DPP6: variants seen among roughly 807,000 people sequenced by gnomAD.
The protein encoded by DPP6 is dipeptidyl peptidase like 6.
In DPP6, 69 loss-of-function variants were observed where a neutral mutation model predicts 122.6. The ratio of observed to expected loss-of-function variants is 0.56; its 90% CI spans 0.46 to 0.69. The LOEUF is 0.69. Ranked by LOEUF, DPP6 falls within the 30% of genes least tolerant of loss-of-function variation. DPP6 has a pLI of 0.00. For missense variants in DPP6, 928 were observed against 1,116.9 expected (o/e 0.83, Z 2.41); for synonymous variants, 418 against 433.1 (o/e 0.97, Z 0.43).
intron 2 of DPP6, among the ~76,000 whole-genome samples, chr7:154,453,999 T>G (rs1820611575): frequency 6.6e-6 from 1 of 152,190 alleles, no homozygotes; most frequent in South Asian, 2.1e-4. Context: ...GCATACCTCC[T>G]AATTTTTTTT....
chr7:154,440,011 G>A (rs1428781098), intron 1 of DPP6, among the ~76,000 whole-genome samples: 12 of 152,210 alleles, frequency 7.9e-5, no homozygotes, highest in Admixed American at 7.2e-4. Flanking sequence ...CAGGGGAAGA[G>A]GGGCACCCGC....
rs1554470636 is a variant in DPP6, at chr7:154,127,640, C to CACACACAG, written c.243+74584_243+74585insGACACACA. On this transcript the variant is annotated intron_variant, in intron 1 of 25. Transcript: ENST00000377770. ...ACACACACACACACACACAGACACA[C>CACACACAG]ACACACACACAGACACACACACACA... is the stretch of plus-strand genomic sequence containing the variant. Among the ~76,000 whole-genome samples, 398 of 106,988 alleles carry CACACACAG rather than the reference C, an allele frequency of 3.7e-3. 5 individuals are homozygous for CACACACAG. Among genetic ancestry groups the CACACACAG allele is most frequent in the African/African-American group, 0.017 (387 of 23,354 alleles). 70.2% of individuals were successfully genotyped at this position (106,988 alleles called of 152,430 possible). A position where few individuals can be genotyped will look rare whatever the true frequency, so the allele number is the denominator to read the frequency against.
intron 1 of DPP6, among the ~76,000 whole-genome samples, chr7:153,995,659 C>G (rs995041614): frequency 6.7e-6 from 1 of 150,338 alleles, no homozygotes; most frequent in African/African-American, 2.4e-5. Context: ...ATGATGTGCT[C>G]GATAACACCC....
intron 2 of DPP6, among the ~76,000 whole-genome samples, chr7:154,461,845 T>G (rs746787864): frequency 6.6e-6 from 1 of 152,228 alleles, no homozygotes; most frequent in East Asian, 1.9e-4. Context: ...TTGTTTCCTT[T>G]GCTGTGCATT....
chr7:154,647,955 C>T (rs12540355), intron 6 of DPP6, among the ~76,000 whole-genome samples: 22,341 of 151,882 alleles, frequency 0.15, 1,908 homozygotes, highest in African/African-American at 0.24. Context: ...TTCTTCCACA[C>T]AATCACTGAG....
rs373378162 is a variant in DPP6 at position 154,023,318 on chromosome 7, G to GCACGCGCACACACACACACACA, written c.51+135587_51+135588insGCGCACACACACACACACACAC. 7.3e-4 allele frequency among the ~76,000 whole-genome samples: 95 copies of GCACGCGCACACACACACACACA among 129,612 alleles called. 1 individual carries two copies. Among genetic ancestry groups the GCACGCGCACACACACACACACA allele is most frequent in the African/African-American group, 2.8e-3 (87 of 31,172 alleles). 85.0% of individuals were successfully genotyped at this position (129,612 alleles called of 152,430 possible). ...CAGGCTCTGGAAATGTTTCTTGTCTGCACACACACACACACACACACACAC... is the reference window on the plus strand; with the variant it reads ...CAGGCTCTGGAAATGTTTCTTGTCTGCACGCGCACACACACACACACACACACACACACACACACACACACAC... On this transcript the variant is annotated intron_variant, in intron 1 of 25. Coordinates refer to the DPP6 transcript ENST00000404039.
rs56255729 is a variant in DPP6 at position 154,841,319 on chromosome 7, T to G, written c.1667-12461T>G. Among the ~76,000 whole-genome samples the G allele has an allele frequency of 2.0e-5, 3 of 148,488 alleles. No individual in the cohort carries two copies. In the East Asian group the frequency reaches 6.0e-4, roughly 30 times the overall value. On this transcript the variant is annotated intron_variant, in intron 16 of 25. Transcript: ENST00000377770. ...CCCCTCCAAGCAGGCTTTGCCCCTC[T>G]GCAGGCTTTGCCCCCCTGTAGCCTT...
At chr7:153,909,046 T>C (rs2129002169) in intron 1 of DPP6, among the ~76,000 whole-genome samples, 1 of 152,320 alleles carries the variant, frequency 6.6e-6, no homozygotes, top group East Asian at 1.9e-4. Context: ...GCCACTGTGC[T>C]CAGCCCTAAA....
At chr7:153,906,360 A>G (rs963235999) in intron 1 of DPP6, among the ~76,000 whole-genome samples, 3 of 152,082 alleles carry the variant, frequency 2.0e-5, no homozygotes, top group Admixed American at 2.0e-4. Flanking sequence ...CCACCCTCCA[A>G]TCTTTGGAAT....
intron 1 of DPP6, among the ~76,000 whole-genome samples, chr7:154,389,225 T>G (rs79431826): frequency 6.6e-6 from 1 of 152,168 alleles, no homozygotes; most frequent in African/African-American, 2.4e-5. Flanking sequence ...AGTGAAGATT[T>G]TGAAAGTCAC....
chr7:154,727,757 TC>T lies in DPP6; in HGVS notation c.763-8del, dbSNP rs756199759. 2.1e-4 allele frequency: 330 copies of T among 1,604,662 alleles called. No homozygotes were observed. Among genetic ancestry groups the T allele is most frequent in the Non-Finnish European group, 2.6e-4 (305 of 1,174,960 alleles). On this transcript the variant is annotated splice_polypyrimidine_tract_variant and intron_variant, in intron 7 of 25. Transcript: ENST00000377770. ...GCTTAATATTATGCTTTTTTCTCTT[TC>T]CAAATTAGATATTTATTTTTGAAAA...
At chr7:153,876,637 G>T in the DPP6 span, among the ~76,000 whole-genome samples, 1 of 151,964 alleles carries the variant, frequency 6.6e-6, no homozygotes, top group Non-Finnish European at 1.5e-5. Flanking sequence ...TTACCCAATA[G>T]AACAGCAAAT....
intron 4 of DPP6, among the ~76,000 whole-genome samples, chr7:154,545,309 A>G (rs1211159571): frequency 1.3e-5 from 2 of 152,018 alleles, no homozygotes; most frequent in Non-Finnish European, 2.9e-5. Context: ...ATGAACCACC[A>G]CAAATATATC....
At chr7:154,514,855 A>G (rs1826363703) in intron 3 of DPP6, among the ~76,000 whole-genome samples, 1 of 152,234 alleles carries the variant, frequency 6.6e-6, no homozygotes, top group Non-Finnish European at 1.5e-5. Context: ...ACATGAGTGT[A>G]CAAATATCTG....
At chr7:154,722,428 C>A (rs1341087219) in intron 7 of DPP6, among the ~76,000 whole-genome samples, 2 of 152,234 alleles carry the variant, frequency 1.3e-5, no homozygotes, top group East Asian at 3.8e-4. Context: ...AACCCTGAAT[C>A]ATGGGACCTC....
chr7:154,461,164 G>A (rs1037181757), intron 2 of DPP6, among the ~76,000 whole-genome samples: 3 of 152,104 alleles, frequency 2.0e-5, no homozygotes, highest in African/African-American at 7.2e-5. Context: ...ATGACCTCCA[G>A]TTTCATTCAT....
At chr7:153,990,829 C>A (rs1371506357) in intron 1 of DPP6, among the ~76,000 whole-genome samples, 2 of 152,188 alleles carry the variant, frequency 1.3e-5, no homozygotes, top group Admixed American at 1.3e-4. Context: ...GAGTGACGTC[C>A]AAGTTTATTG....
At chr7:154,199,970 G>T (rs1203251471) in intron 1 of DPP6, among the ~76,000 whole-genome samples, 1 of 152,100 alleles carries the variant, frequency 6.6e-6, no homozygotes, top group Non-Finnish European at 1.5e-5. Flanking sequence ...GCAGAGCCCC[G>T]CCCGTAATGC....
At chr7:153,816,467 C>T in the DPP6 span, among the ~76,000 whole-genome samples, 1 of 152,020 alleles carries the variant, frequency 6.6e-6, no homozygotes, top group Non-Finnish European at 1.5e-5. Flanking sequence ...AACTGTTTCC[C>T]TTATGATTAA....
Sources: allele counts gnomAD v4.1 joint callset (sites outside exome capture counted in the v4.1 genomes callset), GRCh38; gene constraint gnomAD v4.1.1; transcripts MANE v1.5; gene names NCBI Gene and HGNC (gene_info 2026-07-23, HGNC 2026-07-21).